TRPM3: variants seen among roughly 807,000 people sequenced by gnomAD.
The protein encoded by TRPM3 is long transient receptor potential channel 3.
TRPM3 carries 77 observed loss-of-function variants against 181.2 expected under a neutral mutation model. The observed-to-expected ratio is 0.42, with a 90% CI of 0.35 to 0.51. The LOEUF is 0.51. Ranked by LOEUF, TRPM3 falls within the 20% of genes least tolerant of loss-of-function variation. TRPM3 has a pLI of 0.01. For synonymous variants in TRPM3, 745 were observed against 796.4 expected, an observed-to-expected ratio of 0.94 and a Z score of 1.09; for missense variants, 1,759 against 2,196.7, an observed-to-expected ratio of 0.80 and a Z score of 3.98.
At chr9:70,800,380 C>A (rs571264671) in intron 6 of TRPM3, among the ~76,000 whole-genome samples, 2 of 152,328 alleles carry the variant, frequency 1.3e-5, no homozygotes, top group South Asian at 4.1e-4. Context: ...GTAGCCATTG[C>A]TGAGCACCTG....
intron 7 of TRPM3, 133 bp downstream of exon 7, chr9:70,783,972 A>G: frequency 6.9e-7 from 1 of 1,457,076 alleles, no homozygotes; most frequent in South Asian, 1.5e-5. Flanking sequence ...CATGACAGAC[A>G]TTTTTTAGAC....
chr9:70,918,946 A>G (rs573959151), intron 1 of TRPM3, among the ~76,000 whole-genome samples: 4 of 152,248 alleles, frequency 2.6e-5, no homozygotes, highest in Admixed American at 6.5e-5. Flanking sequence ...AAGTGGGTCA[A>G]TTGCACTGTT....
chr9:71,085,657 C>T (rs890094500), intron 1 of TRPM3, among the ~76,000 whole-genome samples: 1 of 152,076 alleles, frequency 6.6e-6, no homozygotes, highest in East Asian at 1.9e-4. Context: ...TACCATCTCA[C>T]ACCCGTCAGA....
chr9:71,275,893 G>C (rs1025074696), intron 1 of TRPM3, among the ~76,000 whole-genome samples: 1 of 150,970 alleles, frequency 6.6e-6, no homozygotes, highest in African/African-American at 2.4e-5. Flanking sequence ...CCAGGCTGGA[G>C]TGCTGTGGCG....
chr9:71,391,294 G>A lies in TRPM3; in HGVS notation c.183+55359C>T, dbSNP rs546244326. 2.0e-5 allele frequency among the ~76,000 whole-genome samples: 3 copies of A among 152,054 alleles called. No homozygotes were observed. The East Asian group carries it at 5.8e-4, about 29-fold the overall frequency. On this transcript the variant is annotated intron_variant, in intron 1 of 24. Coordinates refer to the TRPM3 transcript ENST00000357533. The stretch of plus-strand genomic sequence containing the variant: ...CACAACAGGAAACAGAAGATAAAAA[G>A]ATGAAGTGACTTGTTTCAGACCAGA...
chr9:70,654,689 T>G (rs2060039368), intron 9 of TRPM3, among the ~76,000 whole-genome samples: 1 of 151,012 alleles, frequency 6.6e-6, no homozygotes, highest in African/African-American at 2.4e-5. Context: ...CTCTGTAGTT[T>G]TTTTTTTTTT....
intron 1 of TRPM3, among the ~76,000 whole-genome samples, chr9:71,326,706 G>T (rs557804063): frequency 6.6e-6 from 1 of 152,286 alleles, no homozygotes; most frequent in East Asian, 1.9e-4. Context: ...ATACCCTTTT[G>T]TGTCAGAGAA....
intron 3 of TRPM3, among the ~76,000 whole-genome samples, chr9:70,861,794 A>G (rs535935282): frequency 6.6e-6 from 1 of 152,214 alleles, no homozygotes; most frequent in African/African-American, 2.4e-5. Flanking sequence ...GCCTTGCTGG[A>G]GGTTGCAAAT....
At chr9:71,177,165 C>T (rs1318008063) in intron 1 of TRPM3, among the ~76,000 whole-genome samples, 1 of 152,034 alleles carries the variant, frequency 6.6e-6, no homozygotes, top group Non-Finnish European at 1.5e-5. Flanking sequence ...GAATCTAATG[C>T]CTTGTGATCG....
intron 1 of TRPM3, among the ~76,000 whole-genome samples, chr9:71,021,830 A>G (rs1204820777): frequency 2.0e-5 from 3 of 152,204 alleles, no homozygotes; most frequent in Non-Finnish European, 4.4e-5. Flanking sequence ...AGGAATAGAG[A>G]TGAACTGATT....
intron 1 of TRPM3, among the ~76,000 whole-genome samples, chr9:71,398,923 A>C (rs761593883): frequency 2.6e-5 from 4 of 152,214 alleles, no homozygotes; most frequent in Non-Finnish European, 4.4e-5. Context: ...TAAACTTTAA[A>C]ATGAAAATTC....
intron 1 of TRPM3, among the ~76,000 whole-genome samples, chr9:71,302,326 T>C (rs1412370803): frequency 6.6e-6 from 1 of 152,184 alleles, no homozygotes; most frequent in African/African-American, 2.4e-5. Flanking sequence ...TATGACCAGA[T>C]TGAAAGGCCA....
At chr9:71,047,999 G>A (rs1184540089) in intron 1 of TRPM3, among the ~76,000 whole-genome samples, 3 of 152,178 alleles carry the variant, frequency 2.0e-5, no homozygotes, top group Non-Finnish European at 4.4e-5. Flanking sequence ...ACGAATGAAT[G>A]TAGGAATGTA....
rs1047759788 is a variant in TRPM3 at position 70,535,657 on chromosome 9, C to G, written c.*296G>C. 20 of 1,442,058 alleles carry G rather than the reference C, an allele frequency of 1.4e-5. No homozygotes were observed. The highest frequency in any genetic ancestry group is 1.6e-5 in the Non-Finnish European group (18 of 1,105,914). 89.3% of individuals were successfully genotyped at this position (1,442,058 alleles called of 1,614,324 possible). ...TTGTTTCCCCTGCTCTCATGGCTTT[C>G]TGCTGTGACTGCGGATACACATTCA... On this transcript the variant is annotated 3_prime_UTR_variant, in exon 26 of 26. Coordinates refer to ENST00000677713, the MANE Select transcript of TRPM3 (RefSeq NM_001366145.2).
intron 1 of TRPM3, among the ~76,000 whole-genome samples, chr9:71,203,143 C>T (rs1049529130): frequency 6.6e-6 from 1 of 152,212 alleles, no homozygotes; most frequent in Admixed American, 6.5e-5. Flanking sequence ...TTTACACTGA[C>T]TGATACTGTC....
intron 1 of TRPM3, among the ~76,000 whole-genome samples, chr9:71,437,201 A>C (rs1175468198): frequency 6.6e-6 from 1 of 152,194 alleles, no homozygotes; most frequent in African/African-American, 2.4e-5. Flanking sequence ...TAGTTGATGA[A>C]GGAAGTTTCT....
chr9:71,422,400 C>T (rs2093792726), intron 1 of TRPM3, among the ~76,000 whole-genome samples: 1 of 152,020 alleles, frequency 6.6e-6, no homozygotes, highest in Non-Finnish European at 1.5e-5. Context: ...TCTCCTTTGC[C>T]TTGGAGGGAC....
intron 1 of TRPM3, among the ~76,000 whole-genome samples, chr9:71,117,349 A>T (rs2072630443): frequency 6.6e-6 from 1 of 152,182 alleles, no homozygotes; most frequent in Non-Finnish European, 1.5e-5. Flanking sequence ...TTAGCAGACA[A>T]GGCCTTCTAT....
At chr9:70,636,762 A>G (rs1243606599) in intron 11 of TRPM3, among the ~76,000 whole-genome samples, 1 of 146,694 alleles carries the variant, frequency 6.8e-6, no homozygotes, top group Non-Finnish European at 1.5e-5. Flanking sequence ...ATCTCAGCTC[A>G]CTGCAACCTC....
Sources: allele counts gnomAD v4.1 joint callset (sites outside exome capture counted in the v4.1 genomes callset), GRCh38; gene constraint gnomAD v4.1.1; transcripts MANE v1.5; gene names NCBI Gene and HGNC (gene_info 2026-07-23, HGNC 2026-07-21).